The following UTRN variants were observed in gnomAD, a reference collection of about 807,000 sequenced individuals.
The protein encoded by UTRN is utrophin, also known as dystrophin-related protein 1.
A neutral mutation model predicts 463.9 loss-of-function variants in UTRN; 283 were observed. The ratio of observed to expected loss-of-function variants is 0.61; its 90% CI spans 0.55 to 0.67. The LOEUF (loss-of-function observed/expected upper bound fraction) is 0.67, where lower values mean the gene tolerates loss of function less well. UTRN is among the 30% of genes least tolerant of loss of function. The pLI is 0.00. For missense variants in UTRN, 3,922 were observed against 4,084.3 expected, an observed-to-expected ratio of 0.96 and a Z score of 1.08; for synonymous variants, 1,442 against 1,431.5, an observed-to-expected ratio of 1.01 and a Z score of -0.17.
chr6:144,628,622 T>C (rs1181268268), intron 51 of UTRN, among the ~76,000 whole-genome samples: 1 of 152,246 alleles, frequency 6.6e-6, no homozygotes, highest in East Asian at 1.9e-4. Context: ...TGAGTTGTTC[T>C]GTGAACTAGA....
chr6:144,652,834 T>G (rs548979232), intron 51 of UTRN, among the ~76,000 whole-genome samples: 1 of 152,362 alleles, frequency 6.6e-6, no homozygotes, highest in East Asian at 1.9e-4. Context: ...AGCTTGTTTC[T>G]ATTGAGGGCT....
intron 6 of UTRN, among the ~76,000 whole-genome samples, chr6:144,425,259 C>T (rs1470161374): frequency 2.0e-5 from 3 of 152,016 alleles, no homozygotes; most frequent in Non-Finnish European, 4.4e-5. Flanking sequence ...TTGGCAGGGA[C>T]GTCACAAAAG....
intron 2 of UTRN, among the ~76,000 whole-genome samples, chr6:144,362,728 G>GA (rs977274051): frequency 2.1e-4 from 32 of 152,020 alleles, no homozygotes; most frequent in African/African-American, 6.3e-4. Flanking sequence ...GGTAGAGAAG[G>GA]AAAAAAATGA....
rs910063523 is a variant in UTRN, at chr6:144,555,354, T to C, written c.7134+461T>C. Among the ~76,000 whole-genome samples, 6 of 152,144 alleles carry C rather than the reference T, an allele frequency of 3.9e-5. No individual in the cohort carries two copies. In the East Asian group the frequency reaches 1.2e-3, roughly 29 times the overall value. ...GGAGGTACCAGGAAACTTAAAATCATGGTGGAAGGCAAAGGGGAAGCAGGC... is the reference window on the plus strand; with the variant it reads ...GGAGGTACCAGGAAACTTAAAATCACGGTGGAAGGCAAAGGGGAAGCAGGC... On this transcript the variant is annotated intron_variant, in intron 49 of 74. Coordinates refer to ENST00000367545, the MANE Select transcript of UTRN (RefSeq NM_007124.3).
chr6:144,550,607 A>G (rs1798821355), intron 47 of UTRN, among the ~76,000 whole-genome samples: 1 of 152,202 alleles, frequency 6.6e-6, no homozygotes, highest in African/African-American at 2.4e-5. Flanking sequence ...ATCAGCAGCA[A>G]TAACTGCTAA....
chr6:144,819,911 C>CCTCCTCCTCCTCCTCCTCCTCCTCT (rs11397588), intron 65 of UTRN, among the ~76,000 whole-genome samples: 4 of 118,626 alleles, frequency 3.4e-5, no homozygotes, highest in Admixed American at 9.2e-5. Flanking sequence ...TCCTCCTCCT[C>CCTCCTCCTCCTCCTCCTCCTCCTCT]CTCTCTCTCT....
Position 144,453,833 on chromosome 6 carries a change from C to G in UTRN, c.2248C>G (p.Gln750Glu), listed in dbSNP as rs1584852323. 1.2e-6 allele frequency: 2 copies of G among 1,613,528 alleles called. No individual in the cohort carries two copies. The highest frequency in any genetic ancestry group is 4.5e-5 in the East Asian group (2 of 44,794). ...ERIPRADELNQTGQILVEQMG... is the reference protein window; with the variant it reads ...ERIPRADELNETGQILVEQMG... ...AATCCCCAGAGCAGATGAATTAAAC[C>G]AAACTGGACAAATCCTTGTGGAGCA... Residue 750 changes from glutamine to glutamate, a missense_variant, in exon 19 of 75, where the codon CAA (glutamine) becomes GAA (glutamate). Gln to Glu is a conservative substitution (Grantham distance 29). Coordinates refer to ENST00000367545, the MANE Select transcript of UTRN (RefSeq NM_007124.3).
chr6:144,799,596 G>A, intron 64 of UTRN: 1 of 427,146 alleles, frequency 2.3e-6, no homozygotes, highest in Admixed American at 2.7e-5. Context: ...CTACTGGGAA[G>A]ATAATTCAAA....
rs1554290270 is a variant in UTRN, at chr6:144,561,258, T to TATACACACAC, written c.7289+3952_7289+3953insCACACATACA. ...ATATATATATATATATATATATATA[T>TATACACACAC]ATACATACACACACACACGTATACA... On this transcript the variant is annotated intron_variant, in intron 50 of 74. Transcript: ENST00000367545. 3.8e-5 allele frequency among the ~76,000 whole-genome samples: 3 copies of TATACACACAC among 78,810 alleles called. No individual in the cohort carries two copies. The East Asian group carries it at 9.1e-4, about 24-fold the overall frequency. 51.7% of individuals were successfully genotyped at this position (78,810 alleles called of 152,430 possible).
chr6:144,549,385 A>G (rs1238862013), intron 47 of UTRN, among the ~76,000 whole-genome samples: 1 of 152,240 alleles, frequency 6.6e-6, no homozygotes, highest in East Asian at 1.9e-4. Context: ...AAATTGGGAA[A>G]CTACAATGAA....
intron 2 of UTRN, among the ~76,000 whole-genome samples, chr6:144,383,162 G>C (rs145686191): frequency 1.5e-3 from 230 of 152,178 alleles, no homozygotes; most frequent in African/African-American, 4.3e-3. Context: ...GAACTCCTGG[G>C]CTCAAGTGAT....
chr6:144,759,986 A>G (rs1315976110), intron 58 of UTRN, among the ~76,000 whole-genome samples: 1 of 152,108 alleles, frequency 6.6e-6, no homozygotes, highest in East Asian at 1.9e-4. Flanking sequence ...TGCAAACTGG[A>G]TCTAGTTTTT....
At position 144,851,578 on chromosome 6, in the gene UTRN, T is replaced by C. The variant is rs1372110508; in HGVS notation, c.*581T>C. 2 of 153,496 alleles carry C rather than the reference T, an allele frequency of 1.3e-5. No individual in the cohort carries two copies. Among genetic ancestry groups the C allele is most frequent in the African/African-American group, 4.8e-5 (2 of 41,460 alleles). 9.5% of individuals were successfully genotyped at this position (153,496 alleles called of 1,614,324 possible). The stretch of plus-strand genomic sequence containing the variant: ...TGATTTGGCCACATTAATAAATTCA[T>C]AAATTTCAATCAAATATCTTATATA... On this transcript the variant is annotated 3_prime_UTR_variant, in exon 75 of 75. Coordinates refer to ENST00000367545, the MANE Select transcript of UTRN (RefSeq NM_007124.3).
chr6:144,583,234 C>T, intron 51 of UTRN: 2 of 360,990 alleles, frequency 5.5e-6, no homozygotes, highest in Non-Finnish European at 9.9e-6. Flanking sequence ...TCTGGCCATG[C>T]CGGGCTGAGC....
At chr6:144,686,056 G>A (rs1782723275) in intron 52 of UTRN, among the ~76,000 whole-genome samples, 2 of 152,050 alleles carry the variant, frequency 1.3e-5, no homozygotes, top group Non-Finnish European at 2.9e-5. Context: ...TTTAATCCAT[G>A]TTGAGTTGAT....
At chr6:144,709,010 A>G (rs1785378728) in intron 53 of UTRN, among the ~76,000 whole-genome samples, 1 of 152,200 alleles carries the variant, frequency 6.6e-6, no homozygotes. Context: ...TCCCACTGTG[A>G]TAATGACATT....
At chr6:144,606,325 G>A (rs528872219) in intron 51 of UTRN, among the ~76,000 whole-genome samples, 3 of 152,328 alleles carry the variant, frequency 2.0e-5, no homozygotes, top group East Asian at 1.9e-4. Context: ...GAAAGAGAGC[G>A]AGCTAGAGGG....
chr6:144,785,217 G>A lies in UTRN; in HGVS notation c.8834+3094G>A, dbSNP rs561550956. On this transcript the variant is annotated intron_variant, in intron 61 of 74. Coordinates refer to ENST00000367545, the MANE Select transcript of UTRN (RefSeq NM_007124.3). Reference sequence around the variant, plus strand: ...TTCTAACACTTCTATTCATTCAGCCGTCCTGACATTCACTCACTAATCATA... The same window carrying A: ...TTCTAACACTTCTATTCATTCAGCCATCCTGACATTCACTCACTAATCATA... Among the ~76,000 whole-genome samples, 45 of 152,214 alleles carry A rather than the reference G, an allele frequency of 3.0e-4. No individual in the cohort carries two copies. The South Asian group carries it at 8.1e-3, about 27-fold the overall frequency.
At chr6:144,816,540 A>G (rs1779091967) in intron 65 of UTRN, among the ~76,000 whole-genome samples, 1 of 152,120 alleles carries the variant, frequency 6.6e-6, no homozygotes, top group South Asian at 2.1e-4. Flanking sequence ...AAATCAGTCT[A>G]GTCACCAAAA....
Sources: allele counts gnomAD v4.1 joint callset (sites outside exome capture counted in the v4.1 genomes callset), GRCh38; gene constraint gnomAD v4.1.1; transcripts MANE v1.5; gene names NCBI Gene and HGNC (gene_info 2026-07-23, HGNC 2026-07-21).